IQSEC2: variants seen among roughly 807,000 people sequenced by gnomAD.
The protein encoded by IQSEC2 is IQ motif and Sec7 domain ArfGEF 2, also known as IQ motif and SEC7 domain-containing protein 2.
A neutral mutation model predicts 74.6 loss-of-function variants in IQSEC2; 6 were observed. The observed-to-expected ratio is 0.08, with a 90% CI of 0.04 to 0.16. The LOEUF (loss-of-function observed/expected upper bound fraction) is 0.16, where lower values mean the gene tolerates loss of function less well. Ranked by LOEUF, IQSEC2 falls within the 10% of genes least tolerant of loss-of-function variation. The pLI, the probability that IQSEC2 is intolerant of heterozygous loss-of-function variation, is 1.00. For missense variants in IQSEC2, 734 were observed against 1,306.2 expected, an observed-to-expected ratio of 0.56 and a Z score of 6.75; for synonymous variants, 494 against 544.5, an observed-to-expected ratio of 0.91 and a Z score of 1.29.
In IQSEC2 at chrX:53,254,766, G is replaced by T. The variant is rs1556864680; in HGVS notation, c.1165C>A (p.Arg389=). The T allele has an allele frequency of 4.1e-6, 5 of 1,204,993 alleles. No individual in the cohort carries two copies. Among genetic ancestry groups the T allele is most frequent in the Non-Finnish European group, 3.4e-6 (3 of 891,808 alleles). The part of the protein sequence containing the change: ...MSRRIILSNM[R]MQFSFEEYEK... ...TACTCCTCAAAGGAGAACTGCATCCGCATGTTGGAAAGGATGATGCGGCGG... is the reference window on the plus strand; with the variant it reads ...TACTCCTCAAAGGAGAACTGCATCCTCATGTTGGAAAGGATGATGCGGCGG... The change falls in exon 4 of 15, where the codon CGG becomes AGG. Residue 389 remains arginine (R), a synonymous_variant. Transcript: ENST00000642864.
intron 2 of IQSEC2, among the ~76,000 whole-genome samples, chrX:53,257,999 C>T (rs1179312650): frequency 1.8e-5 from 2 of 111,614 alleles, no homozygotes; most frequent in African/African-American, 6.5e-5. Flanking sequence ...TGGCTGCCAG[C>T]CCCCTATTCC....
intron 2 of IQSEC2, among the ~76,000 whole-genome samples, chrX:53,257,488 C>A (rs1016462783): frequency 8.0e-5 from 9 of 111,857 alleles, no homozygotes; most frequent in Non-Finnish European, 9.4e-5. Flanking sequence ...ACATCACCCC[C>A]ACTCCAGGGT....
intron 1 of IQSEC2, among the ~76,000 whole-genome samples, chrX:53,305,256 C>A (rs782261818): frequency 9.0e-6 from 1 of 110,670 alleles, no homozygotes; most frequent in Non-Finnish European, 1.9e-5. Context: ...TTCTGTCACC[C>A]AGGCTGGAGT....
At chrX:53,245,577 G>A (rs1381737519) in intron 8 of IQSEC2, among the ~76,000 whole-genome samples, 11 of 111,836 alleles carry the variant, frequency 9.8e-5, no homozygotes, top group East Asian at 2.8e-4. Flanking sequence ...CAGCCACAGC[G>A]GCACAAACCT....
At chrX:53,231,769 T>C (rs1457599504), downstream of IQSEC2, 1 of 112,361 alleles carries the variant, frequency 8.9e-6, no homozygotes, top group Non-Finnish European at 1.9e-5. Flanking sequence ...CAGGACCCTG[T>C]GGGTCTAAGC....
At chrX:53,256,180 C>G in intron 2 of IQSEC2, 119 bp from the exon 3 acceptor site, 1 of 718,946 alleles carries the variant, frequency 1.4e-6, no homozygotes, top group East Asian at 3.5e-5. Flanking sequence ...AGCTTCCTCA[C>G]AGATATAGGG....
chrX:53,280,716 A>G (rs930751761), intron 2 of IQSEC2, among the ~76,000 whole-genome samples: 9 of 111,586 alleles, frequency 8.1e-5, no homozygotes, highest in Admixed American at 2.8e-4. Context: ...CCTGCGATTA[A>G]AGTCCGGAGA....
chrX:53,288,118 G>A (rs182476264), intron 2 of IQSEC2, among the ~76,000 whole-genome samples: 7 of 111,841 alleles, frequency 6.3e-5, no homozygotes, highest in Non-Finnish European at 9.4e-5. Flanking sequence ...CAAATGGGAG[G>A]CATCATGGGA....
intron 2 of IQSEC2, among the ~76,000 whole-genome samples, chrX:53,257,351 C>G (rs981116172): frequency 1.7e-4 from 19 of 112,736 alleles, no homozygotes; most frequent in African/African-American, 6.1e-4. Flanking sequence ...GTGAAGGCTG[C>G]GCCCACGAGG....
chrX:53,234,944 C>T lies in IQSEC2; in HGVS notation c.3742G>A (p.Gly1248Ser). 1 of 1,167,255 alleles carries T rather than the reference C, an allele frequency of 8.6e-7. No homozygotes were observed. The highest frequency in any genetic ancestry group is 1.1e-6 in the Non-Finnish European group (1 of 872,879). The change falls in exon 15 of 15, where the codon GGC becomes AGC. Residue 1248 changes from glycine (G) to serine (S), a missense_variant. Coordinates refer to ENST00000642864, the MANE Select transcript of IQSEC2 (RefSeq NM_001111125.3). ...ACCCCCAGGCCACCGTGGCTATGGC[C>T]ATGATGGTGGTGGTGGTGGTGGTGG... ...THHHHHHHHH[G>S]HSHGGLGVLP...
chrX:53,235,122 C>T lies in IQSEC2; in HGVS notation c.3564G>A (p.Pro1188=), dbSNP rs1489138425. 4 of 200,861 alleles carry T rather than the reference C, an allele frequency of 2.0e-5. No homozygotes were observed. Among genetic ancestry groups the T allele is most frequent in the African/African-American group, 1.0e-4 (1 of 9,896 alleles). 16.6% of individuals were successfully genotyped at this position (200,861 alleles called of 1,213,427 possible). Residue 1188 remains proline (P), a synonymous_variant, in exon 15 of 15, where the codon CCG becomes CCA. Coordinates refer to ENST00000642864, the MANE Select transcript of IQSEC2 (RefSeq NM_001111125.3). The part of the protein sequence containing the change: ...QRMPPPPPPP[P]PEEYKSQRPV... ...GCCTCTGGCTCTTGTACTCCTCTGGCGGCGGGGGTGGGGGCGGAGGTGGCA... is the reference window on the plus strand; with the variant it reads ...GCCTCTGGCTCTTGTACTCCTCTGGTGGCGGGGGTGGGGGCGGAGGTGGCA...
In IQSEC2 at chrX:53,236,325, C is replaced by A; in HGVS notation, c.3448G>T (p.Ala1150Ser). The change falls in exon 13 of 15, where the codon GCA becomes TCA. Residue 1150 changes from alanine to serine, a missense_variant. Transcript: ENST00000642864. ...GGCAGGGGCCCAGAGGGCTTACCTG[C>A]ATCAGAGAGGTCTCGCAGGGAACTG... ...LSSSLRDLSDAGKRGRRNSVG... is the reference protein window; with the variant it reads ...LSSSLRDLSDSGKRGRRNSVG... 3.3e-6 allele frequency: 4 copies of A among 1,208,071 alleles called. No individual in the cohort carries two copies. The highest frequency in any genetic ancestry group is 4.5e-6 in the Non-Finnish European group (4 of 893,562).
At chrX:53,277,733 C>T (rs1042395892) in intron 2 of IQSEC2, among the ~76,000 whole-genome samples, 5 of 110,860 alleles carry the variant, frequency 4.5e-5, no homozygotes, top group South Asian at 3.8e-4. Flanking sequence ...TGCAGTGGTA[C>T]GATCTTGGCT....
intron 2 of IQSEC2, among the ~76,000 whole-genome samples, chrX:53,259,430 G>A (rs1331544735): frequency 8.3e-5 from 9 of 108,304 alleles, no homozygotes; most frequent in African/African-American, 1.4e-4. Flanking sequence ...GCTTGAACCC[G>A]GGAGGTGGAG....
intron 1 of IQSEC2, among the ~76,000 whole-genome samples, chrX:53,317,208 G>C (rs1376918580): frequency 1.8e-5 from 2 of 111,979 alleles, no homozygotes; most frequent in African/African-American, 6.5e-5. Context: ...CATTAGTCAG[G>C]ACCAACGACT....
At chrX:53,264,539 A>G (rs1458707886) in intron 2 of IQSEC2, among the ~76,000 whole-genome samples, 1 of 104,503 alleles carries the variant, frequency 9.6e-6, no homozygotes, top group Non-Finnish European at 1.9e-5. Flanking sequence ...CTACATTCAC[A>G]CACCCTGGAG....
intron 1 of IQSEC2, among the ~76,000 whole-genome samples, chrX:53,305,571 G>C (rs1158577956): frequency 8.9e-6 from 1 of 111,874 alleles, no homozygotes; most frequent in African/African-American, 3.3e-5. Context: ...ACTTTGCACA[G>C]TCTTCATAAC....
chrX:53,243,995 G>A (rs1040662789), intron 8 of IQSEC2, among the ~76,000 whole-genome samples: 2 of 111,185 alleles, frequency 1.8e-5, no homozygotes, highest in African/African-American at 6.5e-5. Context: ...CGAGGCAGGT[G>A]GATCACGAGG....
intron 2 of IQSEC2, among the ~76,000 whole-genome samples, chrX:53,268,691 C>A (rs782452638): frequency 5.4e-5 from 6 of 111,984 alleles, no homozygotes; most frequent in African/African-American, 1.9e-4. Context: ...CTCAGACACC[C>A]ACTGCCTCCT....
Sources: allele counts gnomAD v4.1 joint callset (sites outside exome capture counted in the v4.1 genomes callset), GRCh38; gene constraint gnomAD v4.1.1; transcripts MANE v1.5; gene names NCBI Gene and HGNC (gene_info 2026-07-23, HGNC 2026-07-21).